ATF6: variants seen among roughly 807,000 people sequenced by gnomAD.
ATF6 encodes the protein activating transcription factor 6, also known as cyclic AMP-dependent transcription factor ATF-6 alpha.
Under a neutral mutation model 83.6 loss-of-function variants are expected in ATF6, and 53 were observed. That is an observed-to-expected ratio of 0.63 (90% confidence interval 0.51 to 0.80). The LOEUF (loss-of-function observed/expected upper bound fraction) is 0.80. ATF6 is among the 30% of genes least tolerant of loss of function. ATF6 has a pLI of 0.00. For synonymous variants in ATF6, 288 were observed against 285.8 expected, an observed-to-expected ratio of 1.01 and a Z score of -0.08; for missense variants, 744 against 797.9, an observed-to-expected ratio of 0.93 and a Z score of 0.81.
intron 7 of ATF6, among the ~76,000 whole-genome samples, chr1:161,814,760 G>A (rs10157195): frequency 0.019 from 2,869 of 152,204 alleles, 107 homozygotes; most frequent in African/African-American, 0.065. Flanking sequence ...AGAAAAATAA[G>A]TGTACGTAAG....
intron 7 of ATF6, among the ~76,000 whole-genome samples, chr1:161,815,514 T>A (rs1220796591): frequency 6.6e-6 from 1 of 152,024 alleles, no homozygotes; most frequent in Non-Finnish European, 1.5e-5. Context: ...ATATCTAATT[T>A]AATTTATGGT....
chr1:161,839,616 G>C (rs1374899881), intron 9 of ATF6, among the ~76,000 whole-genome samples: 8 of 152,106 alleles, frequency 5.3e-5, no homozygotes, highest in Middle Eastern at 3.2e-3. Context: ...GAAGCAGTCT[G>C]CCCACCTTGG....
chr1:161,929,099 A>G (rs1313940109), intron 15 of ATF6, among the ~76,000 whole-genome samples: 2 of 152,200 alleles, frequency 1.3e-5, no homozygotes, highest in Non-Finnish European at 2.9e-5. Context: ...AAATATGAAA[A>G]CTATATAAAA....
intron 7 of ATF6, among the ~76,000 whole-genome samples, chr1:161,810,651 A>T (rs767715246): frequency 2.6e-5 from 4 of 151,944 alleles, no homozygotes; most frequent in Non-Finnish European, 5.9e-5. Context: ...TGCACATTAC[A>T]TAAGGATCAC....
At chr1:161,881,401 A>T (rs1315945667) in intron 14 of ATF6, among the ~76,000 whole-genome samples, 3 of 152,066 alleles carry the variant, frequency 2.0e-5, no homozygotes, top group African/African-American at 7.2e-5. Context: ...TCAGTTGGAG[A>T]TTCCCCTCAG....
chr1:161,915,587 C>T (rs1472378260), intron 15 of ATF6, among the ~76,000 whole-genome samples: 5 of 151,910 alleles, frequency 3.3e-5, no homozygotes, highest in Non-Finnish European at 7.4e-5. Flanking sequence ...ACAGTTTCTT[C>T]TTCTCTACTG....
At chr1:161,875,846 A>G (rs1042993279) in intron 14 of ATF6, among the ~76,000 whole-genome samples, 2 of 151,930 alleles carry the variant, frequency 1.3e-5, no homozygotes, top group African/African-American at 4.8e-5. Flanking sequence ...TTTGTCGTAC[A>G]GAATATTAAA....
At chr1:161,784,242 C>A in intron 4 of ATF6, 146 bp downstream of exon 4, 1 of 606,578 alleles carries the variant, frequency 1.6e-6, no homozygotes, top group South Asian at 2.2e-5. Flanking sequence ...AAGAAAGAGC[C>A]TTGTGGGAGC....
At chr1:161,852,404 G>A (rs1686653151) in intron 11 of ATF6, among the ~76,000 whole-genome samples, 1 of 152,060 alleles carries the variant, frequency 6.6e-6, no homozygotes, top group East Asian at 1.9e-4. Context: ...TTTATTTCGT[G>A]TGTTGAAAAA....
chr1:161,916,764 C>T (rs1485688887), intron 15 of ATF6, among the ~76,000 whole-genome samples: 2 of 152,082 alleles, frequency 1.3e-5, no homozygotes, highest in Admixed American at 6.6e-5. Context: ...AATGTACATA[C>T]AATAAAATTC....
chr1:161,829,829 A>G (rs1029714537), intron 9 of ATF6, among the ~76,000 whole-genome samples: 1 of 152,228 alleles, frequency 6.6e-6, no homozygotes, highest in African/African-American at 2.4e-5. Flanking sequence ...TATTTATGAC[A>G]AACCCACAGC....
chr1:161,933,061 A>G (rs35895484), intron 15 of ATF6, among the ~76,000 whole-genome samples: 6,430 of 152,202 alleles, frequency 0.042, 168 homozygotes, highest in African/African-American at 0.063. Flanking sequence ...CACTTTTCCC[A>G]TATTCTACTC....
chr1:161,863,333 T>C lies in ATF6; in HGVS notation c.1719+21T>C, dbSNP rs1210759077. 6 of 1,506,252 alleles carry C rather than the reference T, an allele frequency of 4.0e-6. No homozygotes were observed. The Admixed American group carries it at 6.7e-5, about 17-fold the overall frequency. The allele number at this position is 1,506,252 out of a possible 1,614,324, so 93.3% of individuals were successfully genotyped here. On this transcript the variant is annotated intron_variant, in intron 14 of 15. Transcript: ENST00000367942. ...GAAGGGTAAGTTCATCTTGAAAGAA[T>C]AGAGCAAATATTTTTGAGTGCTTGC...
chr1:161,802,891 T>G (rs1199777297), intron 7 of ATF6, among the ~76,000 whole-genome samples: 2 of 152,232 alleles, frequency 1.3e-5, no homozygotes, highest in African/African-American at 4.8e-5. Flanking sequence ...TAAAGCCAGT[T>G]ACTGCACTTG....
intron 7 of ATF6, among the ~76,000 whole-genome samples, chr1:161,814,698 A>G (rs1326418210): frequency 6.6e-6 from 1 of 152,162 alleles, no homozygotes; most frequent in Non-Finnish European, 1.5e-5. Flanking sequence ...AGAAGAGTAG[A>G]GATAGTGAAA....
At chr1:161,914,760 C>G (rs1485957196) in intron 15 of ATF6, among the ~76,000 whole-genome samples, 2 of 152,198 alleles carry the variant, frequency 1.3e-5, no homozygotes, top group Non-Finnish European at 2.9e-5. Context: ...ATACATTCCT[C>G]CTTACCCAGC....
chr1:161,925,202 G>GCT (rs1558027944), intron 15 of ATF6, among the ~76,000 whole-genome samples: 1 of 152,162 alleles, frequency 6.6e-6, no homozygotes, highest in Non-Finnish European at 1.5e-5. Flanking sequence ...TTCTGAATGG[G>GCT]CTCTGGTTTT....
chr1:161,783,211 T>C, intron 3 of ATF6, among the ~76,000 whole-genome samples: 1 of 152,088 alleles, frequency 6.6e-6, no homozygotes, highest in Non-Finnish European at 1.5e-5. Context: ...TCACATAGCA[T>C]TACTTCTATC....
At chr1:161,829,751 A>G (rs1198163070) in intron 9 of ATF6, among the ~76,000 whole-genome samples, 2 of 152,200 alleles carry the variant, frequency 1.3e-5, no homozygotes, top group African/African-American at 2.4e-5. Flanking sequence ...ACAAAATTCA[A>G]CAGCCCTTCA....
Sources: allele counts gnomAD v4.1 joint callset (sites outside exome capture counted in the v4.1 genomes callset), GRCh38; gene constraint gnomAD v4.1.1; transcripts MANE v1.5; gene names NCBI Gene and HGNC (gene_info 2026-07-23, HGNC 2026-07-21).